Variants in CTCFL observed in about 807,000 individuals in gnomAD.
The protein encoded by CTCFL is CCCTC-binding factor like.
Under a neutral mutation model 67.4 loss-of-function variants are expected in CTCFL, and 36 were observed. The observed-to-expected ratio is 0.53, with a 90% CI of 0.41 to 0.71. CTCFL has a LOEUF of 0.71. Ranked by LOEUF, CTCFL falls within the 30% of genes least tolerant of loss-of-function variation. The pLI is 0.00. For missense variants in CTCFL, 786 were observed against 835.2 expected (o/e 0.94, Z 0.73); for synonymous variants, 324 against 302.3 (o/e 1.07, Z -0.75).
intron 9 of CTCFL, among the ~76,000 whole-genome samples, chr20:57,504,909 T>TGC (rs1309777537): frequency 2.0e-5 from 3 of 151,974 alleles, no homozygotes; most frequent in Non-Finnish European, 4.4e-5. Flanking sequence ...GTATCCTCCA[T>TGC]GCGCTGATTT....
At chr20:57,511,596 C>CCT (rs1491221848) in intron 8 of CTCFL, among the ~76,000 whole-genome samples, 16 of 135,150 alleles carry the variant, frequency 1.2e-4, no homozygotes, top group African/African-American at 4.1e-4. Context: ...AATCCCCCCC[C>CCT]TTTTTTTTTT....
At chr20:57,500,376 C>A in intron 10 of CTCFL, 1 of 271,252 alleles carries the variant, frequency 3.7e-6, no homozygotes, top group South Asian at 3.1e-5. Flanking sequence ...CACTTGAACC[C>A]AGGAGGCAGA....
In CTCFL at chr20:57,498,461, G is replaced by T; in HGVS notation, c.*89C>A. On this transcript the variant is annotated 3_prime_UTR_variant, in exon 11 of 11. Transcript: ENST00000243914. ...CCTGACTCTCTCTCACTTATCCATC[G>T]TGTTGAGGAGCATTTCACACCTTAA... is the stretch of plus-strand genomic sequence containing the variant. The T allele has an allele frequency of 6.6e-7, 1 of 1,523,434 alleles. No homozygotes were observed. Among genetic ancestry groups the T allele is most frequent in the Non-Finnish European group, 8.8e-7 (1 of 1,132,432 alleles). 94.4% of individuals were successfully genotyped at this position (1,523,434 alleles called of 1,614,324 possible).
chr20:57,524,806 G>A, intron 1 of CTCFL: 3 of 966,230 alleles, frequency 3.1e-6, no homozygotes, highest in Non-Finnish European at 3.7e-6. Context: ...ACTTGGCCAA[G>A]CAGCCCTCGG....
In CTCFL at chr20:57,524,104, T is replaced by TC. The variant is rs759378713; in HGVS notation, c.101dup (p.Val35SerfsTer11). On this transcript the variant is annotated frameshift_variant, in exon 2 of 11. Coordinates refer to ENST00000243914, the MANE Select transcript of CTCFL (RefSeq NM_001386993.1). LOFTEE classifies it high-confidence loss of function. ...TCCGATGGTCTTTCTCTCTGCACAC[T>TC]CCGTCTTTTTCCTCCTCCTTCAGGC... is the stretch of plus-strand genomic sequence containing the variant. The TC allele has an allele frequency of 5.0e-6, 8 of 1,613,774 alleles. No individual in the cohort carries two copies. The highest frequency in any genetic ancestry group is 6.8e-6 in the Non-Finnish European group (8 of 1,179,994).
chr20:57,521,268 T>C (rs1178288868), intron 3 of CTCFL, among the ~76,000 whole-genome samples: 1 of 152,204 alleles, frequency 6.6e-6, no homozygotes, highest in African/African-American at 2.4e-5. Context: ...TAGCCATTTT[T>C]TCCAAAGAAG....
intron 5 of CTCFL, 98 bp from the exon 6 acceptor site, chr20:57,515,932 T>A: frequency 7.5e-7 from 1 of 1,340,614 alleles, no homozygotes; most frequent in Non-Finnish European, 1.0e-6. Context: ...ATTAATCATA[T>A]TTTAACATCA....
At position 57,508,266 on chromosome 20, in the gene CTCFL, TTCTC is replaced by T. The variant is rs1023265715; in HGVS notation, c.1674+336_1674+339del. ...TCTGAAAAAATGTGTGAAAACTGCA[TTCTC>T]TCTGTCAAGTAGCCTAAATCTAGTT... On this transcript the variant is annotated intron_variant, in intron 9 of 10. Transcript: ENST00000243914. Among the ~76,000 whole-genome samples, 20 of 152,298 alleles carry T rather than the reference TTCTC, an allele frequency of 1.3e-4. No homozygotes were observed. In the East Asian group the frequency reaches 2.1e-3, roughly 16 times the overall value.
At chr20:57,503,348 T>TC (rs1285572972) in intron 10 of CTCFL, 88 bp downstream of exon 10, 45 of 1,475,886 alleles carry the variant, frequency 3.0e-5, no homozygotes, top group Non-Finnish European at 4.2e-5. Flanking sequence ...TCTGGACACA[T>TC]CCCCTGGACA....
In CTCFL at chr20:57,515,815, T is replaced by G. The variant is rs1484497349; in HGVS notation, c.1079A>C (p.His360Pro). 1.1e-5 allele frequency: 18 copies of G among 1,609,888 alleles called. No individual in the cohort carries two copies. The highest frequency in any genetic ancestry group is 1.4e-5 in the Non-Finnish European group (17 of 1,178,788). The change falls in exon 6 of 11, where the codon CAT becomes CCT. Residue 360 changes from histidine to proline, a missense_variant. By Grantham distance (77) the His-to-Pro change is moderately conservative. Around this residue, in one of 3 missense-constraint regions of CTCFL, gnomAD observed 254 missense variants for 333.9 expected, o/e 0.76. Coordinates refer to ENST00000243914, the MANE Select transcript of CTCFL (RefSeq NM_001386993.1). ...ASVEASKLKRHVRSHTGERPF... is the reference protein window; with the variant it reads ...ASVEASKLKRPVRSHTGERPF... ...GCGCTCCCCAGTGTGGGATCGGACA[T>G]GGCGCTTCAATTTACTTGCCTAATA...
At chr20:57,500,680 T>G (rs1015307288) in intron 10 of CTCFL, among the ~76,000 whole-genome samples, 2 of 152,194 alleles carry the variant, frequency 1.3e-5, no homozygotes, top group African/African-American at 2.4e-5. Context: ...GAAAAAAGTT[T>G]GTATATGTAC....
chr20:57,510,509 C>G (rs1254627001), intron 8 of CTCFL, among the ~76,000 whole-genome samples: 1 of 152,196 alleles, frequency 6.6e-6, no homozygotes, highest in Non-Finnish European at 1.5e-5. Context: ...TTGTTGTTGT[C>G]TGAAGTTCAA....
chr20:57,507,896 A>C (rs1474355622), intron 9 of CTCFL: 1 of 702,884 alleles, frequency 1.4e-6, no homozygotes, highest in South Asian at 1.5e-5. Context: ...TAAAACCATA[A>C]ATGTATTGCT....
chr20:57,524,446 C>A, intron 1 of CTCFL: 1 of 1,358,200 alleles, frequency 7.4e-7, no homozygotes, highest in Non-Finnish European at 9.5e-7. Context: ...AACCCTAGAA[C>A]GAACAGGTTT....
At chr20:57,505,626 C>G (rs1197500167) in intron 9 of CTCFL, among the ~76,000 whole-genome samples, 6 of 152,210 alleles carry the variant, frequency 3.9e-5, no homozygotes, top group Admixed American at 3.9e-4. Flanking sequence ...AAATTCAATA[C>G]ATCAGTCAAT....
chr20:57,524,713 G>A, intron 1 of CTCFL: 2 of 997,490 alleles, frequency 2.0e-6, no homozygotes, highest in South Asian at 8.8e-5. Flanking sequence ...GGCCCGAGCA[G>A]GCATTCCCCT....
At chr20:57,508,383 CTT>C (rs369554819) in intron 9 of CTCFL, among the ~76,000 whole-genome samples, 56 of 140,430 alleles carry the variant, frequency 4.0e-4, no homozygotes, top group African/African-American at 7.0e-4. Context: ...TTGGATTGTC[CTT>C]TTTTTTTTTT....
At chr20:57,502,913 C>G (rs968913730) in intron 10 of CTCFL, among the ~76,000 whole-genome samples, 1 of 152,196 alleles carries the variant, frequency 6.6e-6, no homozygotes, top group Non-Finnish European at 1.5e-5. Context: ...AGAAGGCCCA[C>G]ACACAGAAGA....
At chr20:57,515,108 G>A (rs1177731623) in intron 6 of CTCFL, 2 of 213,562 alleles carry the variant, frequency 9.4e-6, no homozygotes, top group South Asian at 1.4e-4. Flanking sequence ...TAAAGTTGAA[G>A]AATGAATTAA....
Sources: allele counts gnomAD v4.1 joint callset (sites outside exome capture counted in the v4.1 genomes callset), GRCh38; gene constraint gnomAD v4.1.1; regional missense constraint gnomAD v4.1.1; transcripts MANE v1.5; gene names NCBI Gene and HGNC (gene_info 2026-07-23, HGNC 2026-07-21).